The following RBM33 variants were observed in gnomAD, a reference collection of about 807,000 sequenced individuals.
RBM33 encodes the protein RNA-binding protein 33.
Under a neutral mutation model 132.6 loss-of-function variants are expected in RBM33, and 28 were observed. The ratio of observed to expected loss-of-function variants is 0.21; its 90% confidence interval spans 0.16 to 0.29. RBM33 has a LOEUF of 0.29. Ranked by LOEUF, RBM33 falls within the 10% of genes least tolerant of loss-of-function variation. The probability of loss-of-function intolerance (pLI) is 1.00; values close to 1 mark genes in which losing one functional copy is unlikely to be tolerated. For missense variants in RBM33, 1,291 were observed against 1,518.5 expected, an observed-to-expected ratio of 0.85 and a Z score of 2.49; for synonymous variants, 634 against 593.0, an observed-to-expected ratio of 1.07 and a Z score of -1.01.
At chr7:155,708,888 A>G (rs1800195196) in intron 7 of RBM33, among the ~76,000 whole-genome samples, 1 of 151,828 alleles carries the variant, frequency 6.6e-6, no homozygotes, top group Non-Finnish European at 1.5e-5. Flanking sequence ...TGGAAAGAAT[A>G]TTTTTGGCTC....
chr7:155,770,236 G>C (rs942513614), intron 16 of RBM33, among the ~76,000 whole-genome samples: 5 of 152,232 alleles, frequency 3.3e-5, no homozygotes, highest in Admixed American at 3.3e-4. Context: ...AGAAAACTCG[G>C]TGCGGGCTGG....
chr7:155,734,638 C>A (rs1801054503), intron 9 of RBM33, among the ~76,000 whole-genome samples: 1 of 152,114 alleles, frequency 6.6e-6, no homozygotes. Flanking sequence ...GCAAATTCTT[C>A]TAATGAATCT....
intron 5 of RBM33, among the ~76,000 whole-genome samples, chr7:155,699,425 C>T (rs946046789): frequency 6.6e-6 from 1 of 152,184 alleles, no homozygotes; most frequent in Non-Finnish European, 1.5e-5. Flanking sequence ...GGAGAATAGA[C>T]GTCCTAAGGA....
intron 16 of RBM33, among the ~76,000 whole-genome samples, chr7:155,773,001 A>G (rs73737846): frequency 0.013 from 2,036 of 152,336 alleles, 53 homozygotes; most frequent in African/African-American, 0.047. Flanking sequence ...AACTTTTTAA[A>G]ACACTTTCCA....
At chr7:155,756,826 TG>T (rs1431706264) in intron 14 of RBM33, among the ~76,000 whole-genome samples, 2 of 151,926 alleles carry the variant, frequency 1.3e-5, no homozygotes, top group African/African-American at 4.8e-5. Context: ...GGTAGCTTGG[TG>T]GTGGGTAGCA....
intron 1 of RBM33, among the ~76,000 whole-genome samples, chr7:155,645,733 A>G (rs568699425): frequency 4.6e-5 from 7 of 152,348 alleles, no homozygotes; most frequent in South Asian, 2.1e-4. Flanking sequence ...AAAACTTTGA[A>G]AAGATGGTAA....
chr7:155,756,697 A>G (rs1801862101), intron 14 of RBM33, among the ~76,000 whole-genome samples: 1 of 152,144 alleles, frequency 6.6e-6, no homozygotes, highest in African/African-American at 2.4e-5. Context: ...GAGAGGCCGA[A>G]TGTCACTGTG....
At chr7:155,705,350 A>G (rs1800082671) in intron 6 of RBM33, among the ~76,000 whole-genome samples, 1 of 152,226 alleles carries the variant, frequency 6.6e-6, no homozygotes, top group Non-Finnish European at 1.5e-5. Flanking sequence ...CACTAGAAAA[A>G]TAATTGCTGA....
At chr7:155,676,385 A>G (rs974204444) in intron 3 of RBM33, among the ~76,000 whole-genome samples, 16 of 151,996 alleles carry the variant, frequency 1.1e-4, no homozygotes, top group African/African-American at 3.9e-4. Context: ...AACTTCATCA[A>G]CTCGTGTTGG....
At chr7:155,688,807 G>T (rs928908704) in intron 5 of RBM33, among the ~76,000 whole-genome samples, 2 of 152,176 alleles carry the variant, frequency 1.3e-5, no homozygotes, top group Non-Finnish European at 2.9e-5. Flanking sequence ...AATCAGCCTT[G>T]CATCCCAGAG....
intron 7 of RBM33, among the ~76,000 whole-genome samples, chr7:155,709,601 T>G (rs1395262437): frequency 5.3e-5 from 8 of 152,208 alleles, no homozygotes; most frequent in Non-Finnish European, 1.5e-5. Flanking sequence ...AACATGATCT[T>G]TCCCTCAGAA....
At chr7:155,702,871 C>A (rs1157270452) in intron 6 of RBM33, among the ~76,000 whole-genome samples, 1 of 152,188 alleles carries the variant, frequency 6.6e-6, no homozygotes, top group Non-Finnish European at 1.5e-5. Context: ...TGAGAACTCC[C>A]CAGGTAGCTA....
In RBM33 at chr7:155,673,678, GTA is replaced by G. The variant is rs1221148611; in HGVS notation, c.171+772_171+773del. On this transcript the variant is annotated intron_variant, in intron 3 of 17. Coordinates refer to ENST00000401878, the MANE Select transcript of RBM33 (RefSeq NM_053043.3). ...TATACACACATATACATACACACGT[GTA>G]TATATATACACACATATATACATAC... Among the ~76,000 whole-genome samples, 81 of 115,166 alleles carry G rather than the reference GTA, an allele frequency of 7.0e-4. 5 individuals carry two copies. Among genetic ancestry groups the G allele is most frequent in the African/African-American group, 2.6e-3 (67 of 25,294 alleles). The allele number at this position is 115,166 out of a possible 152,430, so 75.6% of individuals were successfully genotyped here.
chr7:155,734,704 C>T (rs552913074), intron 9 of RBM33, among the ~76,000 whole-genome samples: 49 of 152,116 alleles, frequency 3.2e-4, no homozygotes, highest in African/African-American at 1.1e-3. Flanking sequence ...CCTCCTCCCC[C>T]GAAATAAGTG....
intron 8 of RBM33, 77 bp downstream of exon 8, chr7:155,711,532 AC>A (rs993502719): frequency 2.0e-6 from 2 of 994,910 alleles, no homozygotes; most frequent in Admixed American, 4.1e-5. Flanking sequence ...TTTTCCACTG[AC>A]GCGTTTTTGA....
intron 6 of RBM33, among the ~76,000 whole-genome samples, chr7:155,705,848 C>T (rs1800096511): frequency 1.3e-5 from 2 of 152,204 alleles, no homozygotes; most frequent in Admixed American, 1.3e-4. Flanking sequence ...CTGGACACTC[C>T]ACACGTGTTT....
At chr7:155,686,437 G>A (rs1332750762) in intron 5 of RBM33, among the ~76,000 whole-genome samples, 1 of 152,054 alleles carries the variant, frequency 6.6e-6, no homozygotes, top group African/African-American at 2.4e-5. Context: ...GGAATTCGGT[G>A]CCTGTTAATT....
chr7:155,655,850 T>G (rs1402129170), intron 1 of RBM33, among the ~76,000 whole-genome samples: 1 of 152,016 alleles, frequency 6.6e-6, no homozygotes, highest in Non-Finnish European at 1.5e-5. Flanking sequence ...AACCCAAGAG[T>G]TCAGTCCAGT....
chr7:155,739,720 G>A lies in RBM33; in HGVS notation c.1743G>A (p.Pro581=), dbSNP rs374150068. 7.1e-6 allele frequency: 11 copies of A among 1,545,174 alleles called. No homozygotes were observed. The highest frequency in any genetic ancestry group is 5.9e-5 in the Admixed American group (3 of 50,620). Residue 581 remains proline (P), a synonymous_variant, in exon 12 of 18, where the codon CCG becomes CCA. Coordinates refer to ENST00000401878, the MANE Select transcript of RBM33 (RefSeq NM_053043.3). ...TCTTTCTTTGGAAATGGAAGGGGCC[G>A]TTGCATCCTCCATTGCCCCCTCCGC... ...PTHTQPNLQG[P]LHPPLPPPHQ...
Sources: gnomAD v4.1 joint callset for allele counts (sites outside exome capture counted in the v4.1 genomes callset) on GRCh38, gnomAD v4.1.1 for gene constraint, MANE v1.5 for transcripts, NCBI Gene and HGNC (gene_info 2026-07-23, HGNC 2026-07-21) for gene names.